SLC9A3: variants seen among roughly 807,000 people sequenced by gnomAD.
SLC9A3 encodes sodium/hydrogen exchanger 3.
Under a neutral mutation model 86.8 loss-of-function variants are expected in SLC9A3, and 37 were observed. That is an observed-to-expected ratio of 0.43 (90% CI 0.33 to 0.56). The LOEUF (loss-of-function observed/expected upper bound fraction) is 0.56, where lower values mean the gene tolerates loss of function less well. Among genes scored for constraint, SLC9A3 ranks in the 20% least tolerant of loss-of-function variants. SLC9A3 has a pLI of 0.06. For missense variants in SLC9A3, 1,011 were observed against 1,171.9 expected (o/e 0.86, Z 2.00); for synonymous variants, 581 against 528.3 (o/e 1.10, Z -1.37).
chr5:481,442 C>A lies in SLC9A3; in HGVS notation c.1517+123G>T, dbSNP rs1422394978. 7 of 856,622 alleles carry A rather than the reference C, an allele frequency of 8.2e-6. No homozygotes were observed. In the African/African-American group the frequency reaches 9.9e-5, roughly 12 times the overall value. The allele number at this position is 856,622 out of a possible 1,614,324, so 53.1% of individuals were successfully genotyped here. On this transcript the variant is annotated intron_variant, in intron 9 of 16. Transcript: ENST00000264938. Reference sequence around the variant, plus strand: ...CCTGGCACCTGGCCTCATGGGGCACCGGAGCCCTGACCAAGCCTGGACTCA... The same window carrying A: ...CCTGGCACCTGGCCTCATGGGGCACAGGAGCCCTGACCAAGCCTGGACTCA...
chr5:493,015 A>G (rs563073410), intron 1 of SLC9A3, among the ~76,000 whole-genome samples: 7 of 151,986 alleles, frequency 4.6e-5, no homozygotes, highest in Non-Finnish European at 8.8e-5. Flanking sequence ...CCCCAGCACC[A>G]TCGCCCCTGC....
intron 1 of SLC9A3, among the ~76,000 whole-genome samples, chr5:507,369 G>GT (rs1553999352): frequency 0.011 from 64 of 5,846 alleles, no homozygotes; most frequent in Non-Finnish European, 0.021. Flanking sequence ...GGGTTTCACC[G>GT]TTTTTTTTTT....
Position 481,651 on chromosome 5 carries a change from A to G in SLC9A3, c.1447-16T>C, listed in dbSNP as rs754630666. ...GGTCGAAAGCCTTTCAAGGGAAGAA[A>G]GACATGAGCGTCTCGGGGCGGCCAA... On this transcript the variant is annotated splice_polypyrimidine_tract_variant and intron_variant, in intron 8 of 16. Coordinates refer to ENST00000264938, the MANE Select transcript of SLC9A3 (RefSeq NM_004174.4). 5 of 1,611,646 alleles carry G rather than the reference A, an allele frequency of 3.1e-6. No homozygotes were observed. In the East Asian group the frequency reaches 1.1e-4, roughly 36 times the overall value.
chr5:489,948 G>A (rs996215989), intron 2 of SLC9A3, among the ~76,000 whole-genome samples: 3 of 152,232 alleles, frequency 2.0e-5, no homozygotes, highest in Admixed American at 6.5e-5. Context: ...TGAAGCTCTC[G>A]CAGGGCCTGT....
In SLC9A3 at chr5:520,631, C is replaced by T. The variant is rs186651991; in HGVS notation, c.211+3481G>A. Reference sequence around the variant, plus strand: ...ATCTGACCACATCCACTCCTCACCACGACGCTAGGTGGGGACCAAAGTCCT... The same window carrying T: ...ATCTGACCACATCCACTCCTCACCATGACGCTAGGTGGGGACCAAAGTCCT... On this transcript the variant is annotated intron_variant, in intron 1 of 16. Transcript: ENST00000264938. Among the ~76,000 whole-genome samples the T allele has an allele frequency of 4.8e-3, 733 of 152,300 alleles. 4 individuals are homozygous for T. The highest frequency in any genetic ancestry group is 7.4e-3 in the Non-Finnish European group (501 of 68,014).
chr5:506,447 C>T (rs540407618), intron 1 of SLC9A3, among the ~76,000 whole-genome samples: 7 of 152,278 alleles, frequency 4.6e-5, no homozygotes, highest in South Asian at 4.1e-4. Context: ...CAGGAGGGCC[C>T]GGGGTCCTCC....
rs562768416 is a variant in SLC9A3, at chr5:470,560, G to A, written c.*2819C>T. On this transcript the variant is annotated 3_prime_UTR_variant, in exon 17 of 17. Coordinates refer to ENST00000264938, the MANE Select transcript of SLC9A3 (RefSeq NM_004174.4). ...TGGTCTAGTAATCGTTCAGGATTTCGGTGATGGGCCCTCCCTGTCTGGACA... is the reference window on the plus strand; with the variant it reads ...TGGTCTAGTAATCGTTCAGGATTTCAGTGATGGGCCCTCCCTGTCTGGACA... 3 of 152,434 alleles carry A rather than the reference G, an allele frequency of 2.0e-5. No individual in the cohort carries two copies. Among genetic ancestry groups the A allele is most frequent in the Non-Finnish European group, 2.9e-5 (2 of 68,026 alleles). The allele number at this position is 152,434 out of a possible 1,614,324, so 9.4% of individuals were successfully genotyped here.
intron 1 of SLC9A3, among the ~76,000 whole-genome samples, chr5:504,834 G>C (rs1740472931): frequency 6.6e-6 from 1 of 152,066 alleles, no homozygotes; most frequent in Non-Finnish European, 1.5e-5. Context: ...GAGGGCAGGG[G>C]TGCGGCTGGT....
rs1183070018 is a variant in SLC9A3 at position 524,263 on chromosome 5, G to A, written c.60C>T (p.Gly20=). Reference sequence around the variant, plus strand: ...CGACGCCCCCGGCCCGCGCCAGCCCGCCCAGCGCCAGCGCCAGCAGCAGCC... The same window carrying A: ...CGACGCCCCCGGCCCGCGCCAGCCCACCCAGCGCCAGCGCCAGCAGCAGCC... The part of the protein sequence containing the change: ...DRGLLLALAL[G]GLARAGGVEV... Residue 20 remains glycine (G), a synonymous_variant, in exon 1 of 17, where the codon GGC becomes GGT. Coordinates refer to ENST00000264938, the MANE Select transcript of SLC9A3 (RefSeq NM_004174.4). The A allele has an allele frequency of 1.4e-6, 2 of 1,385,488 alleles. No homozygotes were observed. The highest frequency in any genetic ancestry group is 1.9e-6 in the Non-Finnish European group (2 of 1,067,396). The allele number at this position is 1,385,488 out of a possible 1,614,324, so 85.8% of individuals were successfully genotyped here. A position where few individuals can be genotyped will look rare whatever the true frequency, so the allele number is the denominator to read the frequency against.
intron 7 of SLC9A3, 45 bp downstream of exon 7, chr5:482,503 C>A: frequency 6.6e-7 from 1 of 1,515,432 alleles, no homozygotes; most frequent in African/African-American, 1.4e-5. Context: ...AGGCTCCCCT[C>A]GCGGGCGGGG....
chr5:487,738 G>A (rs1197670630), intron 3 of SLC9A3, among the ~76,000 whole-genome samples: 2 of 152,208 alleles, frequency 1.3e-5, no homozygotes, highest in African/African-American at 4.8e-5. Flanking sequence ...CACGATCTCG[G>A]CTCATTGCAA....
intron 1 of SLC9A3, among the ~76,000 whole-genome samples, chr5:514,297 G>A (rs1733659792): frequency 6.6e-6 from 1 of 152,178 alleles, no homozygotes; most frequent in African/African-American, 2.4e-5. Flanking sequence ...CTGACCTGAG[G>A]TCTCCCAGGC....
At chr5:521,231 G>A (rs775247272) in intron 1 of SLC9A3, among the ~76,000 whole-genome samples, 3 of 152,272 alleles carry the variant, frequency 2.0e-5, no homozygotes, top group Non-Finnish European at 4.4e-5. Context: ...GCCCTTGCCG[G>A]AGCCAGACAC....
intron 1 of SLC9A3, among the ~76,000 whole-genome samples, chr5:507,735 C>T (rs1740672610): frequency 6.9e-6 from 1 of 145,870 alleles, no homozygotes; most frequent in African/African-American, 2.5e-5. Flanking sequence ...CGAATCCCCA[C>T]CCCACAGACG....
chr5:492,888 G>A (rs12520842), intron 1 of SLC9A3, among the ~76,000 whole-genome samples: 91,558 of 151,980 alleles, frequency 0.6, 29,233 homozygotes, highest in Non-Finnish European at 0.71. Context: ...CTGGGATCAC[G>A]GCCCCTGGGT....
intron 3 of SLC9A3, among the ~76,000 whole-genome samples, chr5:486,322 A>G (rs542824549): frequency 1.6e-3 from 237 of 152,244 alleles, no homozygotes; most frequent in African/African-American, 5.4e-3. Context: ...GGTTCCTAGG[A>G]GGGCCACTCT....
intron 1 of SLC9A3, among the ~76,000 whole-genome samples, chr5:515,227 C>G (rs184591047): frequency 3.2e-4 from 48 of 152,230 alleles, no homozygotes; most frequent in Admixed American, 2.9e-3. Flanking sequence ...CCCAGCACAG[C>G]AGCACAAACG....
rs543523762 is a variant in SLC9A3 at position 491,301 on chromosome 5, G to C, written c.514+468C>G. ...GGGTCCGGGGCGGGAGGCAGTGCCC[G>C]AGAGATGAAGCATCCAAGACCAAAA... On this transcript the variant is annotated intron_variant, in intron 2 of 16. Coordinates refer to ENST00000264938, the MANE Select transcript of SLC9A3 (RefSeq NM_004174.4). This position sits in a 1 kb window ranked among gnomAD's most constrained non-coding sequence, Gnocchi z 9.2. Among the ~76,000 whole-genome samples the C allele has an allele frequency of 3.9e-5, 6 of 152,212 alleles. No homozygotes were observed. In the South Asian group the frequency reaches 1.2e-3, roughly 31 times the overall value.
intron 1 of SLC9A3, among the ~76,000 whole-genome samples, chr5:514,486 G>A (rs1275920060): frequency 6.6e-6 from 1 of 152,224 alleles, no homozygotes; most frequent in East Asian, 1.9e-4. Context: ...TGCCTGTCGG[G>A]GGCTTTGCTC....
Sources: allele counts gnomAD v4.1 joint callset (sites outside exome capture counted in the v4.1 genomes callset), GRCh38; gene constraint gnomAD v4.1.1; non-coding constraint Gnocchi (gnomAD v3.1); transcripts MANE v1.5; gene names NCBI Gene and HGNC (gene_info 2026-07-23, HGNC 2026-07-21).